The following AGBL4 variants were observed in gnomAD, a reference collection of about 807,000 sequenced individuals.
AGBL4 encodes the protein AGBL carboxypeptidase 4.
A neutral mutation model predicts 66.4 loss-of-function variants in AGBL4; 58 were observed. That is an observed-to-expected ratio of 0.87 (90% CI 0.71 to 1.09). The LOEUF is 1.09. Among genes scored for constraint, AGBL4 ranks in the 50% least tolerant of loss-of-function variants. The pLI is 0.00. For synonymous variants in AGBL4, 234 were observed against 222.9 expected (o/e 1.05, Z -0.44); for missense variants, 579 against 631.0 (o/e 0.92, Z 0.88).
chr1:49,826,651 C>T (rs904794847), intron 2 of AGBL4, among the ~76,000 whole-genome samples: 12 of 152,142 alleles, frequency 7.9e-5, no homozygotes, highest in African/African-American at 2.7e-4. Flanking sequence ...TTTACTCATC[C>T]ATGAAAGAAG....
intron 6 of AGBL4, among the ~76,000 whole-genome samples, chr1:48,779,704 C>CTTTTTTTTTTTTT (rs200375125): frequency 7.3e-6 from 1 of 137,180 alleles, no homozygotes; most frequent in Non-Finnish European, 1.6e-5. Flanking sequence ...CTGTTCCTCT[C>CTTTTTTTTTTTTT]TTTTTTTTTT....
chr1:48,652,053 C>T (rs529725479), intron 8 of AGBL4, among the ~76,000 whole-genome samples: 1 of 152,040 alleles, frequency 6.6e-6, no homozygotes, highest in Non-Finnish European at 1.5e-5. Flanking sequence ...GATAACCAGG[C>T]CTGCTTGGTA....
chr1:49,508,466 A>G (rs1648894190), intron 3 of AGBL4, among the ~76,000 whole-genome samples: 1 of 152,024 alleles, frequency 6.6e-6, no homozygotes, highest in Non-Finnish European at 1.5e-5. Flanking sequence ...TTCATTAACC[A>G]AAATAAAGTA....
chr1:49,592,250 C>T (rs191602948), intron 3 of AGBL4, among the ~76,000 whole-genome samples: 20 of 152,124 alleles, frequency 1.3e-4, no homozygotes, highest in African/African-American at 4.8e-4. Context: ...AAGCAAAAAA[C>T]AAACAACTCT....
chr1:48,529,588 G>A (rs566318332), downstream of AGBL4, among the ~76,000 whole-genome samples: 3 of 152,166 alleles, frequency 2.0e-5, no homozygotes, highest in South Asian at 6.2e-4. Context: ...CCTCTGCTTT[G>A]TGGCCCTGAT....
At chr1:48,542,085 T>C (rs1277788724) in intron 11 of AGBL4, among the ~76,000 whole-genome samples, 2 of 152,168 alleles carry the variant, frequency 1.3e-5, no homozygotes, top group Admixed American at 1.3e-4. Flanking sequence ...AGTGAGAACA[T>C]ATGGTGTTTG....
At chr1:49,207,046 A>G (rs1648205765) in intron 4 of AGBL4, among the ~76,000 whole-genome samples, 2 of 152,112 alleles carry the variant, frequency 1.3e-5, no homozygotes, top group Admixed American at 1.3e-4. Context: ...CTATTCTTAG[A>G]AGAAAATAAA....
intron 5 of AGBL4, among the ~76,000 whole-genome samples, chr1:48,871,078 T>C (rs1379493201): frequency 1.3e-5 from 2 of 152,126 alleles, no homozygotes; most frequent in Non-Finnish European, 2.9e-5. Flanking sequence ...TTTGTAAAAA[T>C]AGAGCACATG....
chr1:49,349,231 G>T (rs1645699982), intron 3 of AGBL4, among the ~76,000 whole-genome samples: 1 of 152,042 alleles, frequency 6.6e-6, no homozygotes, highest in Non-Finnish European at 1.5e-5. Context: ...TAGAACTATG[G>T]GGCATAGAAG....
At chr1:49,910,780 A>G (rs1447148673) in intron 1 of AGBL4, among the ~76,000 whole-genome samples, 1 of 152,194 alleles carries the variant, frequency 6.6e-6, no homozygotes, top group Non-Finnish European at 1.5e-5. Context: ...GTTTGAGACC[A>G]GCCTAGGCAA....
At chr1:49,433,904 A>T (rs1226126329) in intron 3 of AGBL4, among the ~76,000 whole-genome samples, 1 of 152,212 alleles carries the variant, frequency 6.6e-6, no homozygotes, top group Admixed American at 6.5e-5. Flanking sequence ...AAGCACAAAA[A>T]ATTACAAGAA....
chr1:49,709,730 T>C (rs771409171), intron 2 of AGBL4, among the ~76,000 whole-genome samples: 19 of 152,002 alleles, frequency 1.2e-4, no homozygotes, highest in Non-Finnish European at 2.8e-4. Flanking sequence ...TACAAGGAAC[T>C]TAAACAAATT....
chr1:49,372,079 G>C (rs1254117180), intron 3 of AGBL4, among the ~76,000 whole-genome samples: 2 of 152,048 alleles, frequency 1.3e-5, no homozygotes, highest in Non-Finnish European at 2.9e-5. Context: ...TTTGATAAAT[G>C]GGTGGCATAT....
intron 11 of AGBL4, among the ~76,000 whole-genome samples, chr1:48,577,321 C>G (rs1232825198): frequency 6.6e-6 from 1 of 152,234 alleles, no homozygotes; most frequent in Non-Finnish European, 1.5e-5. Context: ...TGACCGTAAG[C>G]TAACAGCCAT....
chr1:48,698,325 C>G (rs1386549332), intron 6 of AGBL4, among the ~76,000 whole-genome samples: 1 of 152,174 alleles, frequency 6.6e-6, no homozygotes, highest in African/African-American at 2.4e-5. Flanking sequence ...ATGGGCCTGG[C>G]AGGGAGATGA....
chr1:50,006,004 A>C (rs1572046249), intron 1 of AGBL4, among the ~76,000 whole-genome samples: 1 of 152,216 alleles, frequency 6.6e-6, no homozygotes. Context: ...CAAGATCTAG[A>C]ATATAGCCTC....
intron 1 of AGBL4, among the ~76,000 whole-genome samples, chr1:49,983,757 G>T (rs1489233565): frequency 6.6e-6 from 1 of 152,176 alleles, no homozygotes; most frequent in African/African-American, 2.4e-5. Context: ...ATAAAGAAAA[G>T]ATTTTAAAAT....
chr1:48,776,704 C>A, intron 6 of AGBL4: 2 of 1,519,900 alleles, frequency 1.3e-6, no homozygotes, highest in Admixed American at 2.1e-5. Context: ...TTCCTCCGGG[C>A]CCCGGTACAC....
intron 3 of AGBL4, among the ~76,000 whole-genome samples, chr1:49,402,842 C>A (rs1042054586): frequency 1.3e-5 from 2 of 152,178 alleles, no homozygotes; most frequent in African/African-American, 4.8e-5. Context: ...GCTGGGATCA[C>A]AGGCATGAGC....
Sources: allele counts gnomAD v4.1 joint callset (sites outside exome capture counted in the v4.1 genomes callset), GRCh38; gene constraint gnomAD v4.1.1; transcripts MANE v1.5; gene names NCBI Gene and HGNC (gene_info 2026-07-23, HGNC 2026-07-21).